Variants in RAD51AP1 observed in about 807,000 individuals in gnomAD.
RAD51AP1 encodes RAD51 associated protein 1.
In RAD51AP1, 14 loss-of-function variants were observed where a neutral mutation model predicts 34.3. The ratio of observed to expected loss-of-function variants is 0.41; its 90% CI spans 0.27 to 0.64. The LOEUF is 0.64. RAD51AP1 is among the 30% of genes least tolerant of loss of function. The pLI is 0.33. For synonymous variants in RAD51AP1, 114 were observed against 129.8 expected, an observed-to-expected ratio of 0.88 and a Z score of 0.83; for missense variants, 348 against 386.9, an observed-to-expected ratio of 0.90 and a Z score of 0.84.
intron 7 of RAD51AP1, 103 bp from the exon 8 acceptor site, chr12:4,556,250 A>T: frequency 1.1e-6 from 1 of 894,912 alleles, no homozygotes; most frequent in Non-Finnish European, 1.7e-6. Flanking sequence ...TAATAAGTTT[A>T]TTTTTTATAT....
In RAD51AP1 at chr12:4,550,043, GAA is replaced by G. The variant is rs764425801; in HGVS notation, c.556+1210_556+1211del. Among the ~76,000 whole-genome samples the G allele has an allele frequency of 1.4e-4, 22 of 152,286 alleles. No individual in the cohort carries two copies. In the Middle Eastern group the frequency reaches 0.01, roughly 71 times the overall value. ...CCATGTGTGACCTTCATTAGGGAAA[GAA>G]AAGAGAAAATTGCAGAGAAGATAAG... On this transcript the variant is annotated intron_variant, in intron 6 of 8. Coordinates refer to ENST00000352618, the MANE Select transcript of RAD51AP1 (RefSeq NM_006479.5).
rs548374641 is a variant in RAD51AP1, at chr12:4,557,980, T to TTTG, written c.872-865_872-863dup. 8.4e-4 allele frequency among the ~76,000 whole-genome samples: 128 copies of TTTG among 152,184 alleles called. 2 individuals carry two copies. The East Asian group carries it at 0.019, about 22-fold the overall frequency. ...TGCTAATTTTTGTAAGTTGATTTTT[T>TTTG]TTGTTGTTGTTGTTAGCACCATGTG... On this transcript the variant is annotated intron_variant, in intron 8 of 8. Transcript: ENST00000352618.
intron 2 of RAD51AP1, among the ~76,000 whole-genome samples, chr12:4,542,149 T>C (rs1944471938): frequency 1.3e-5 from 2 of 152,150 alleles, no homozygotes; most frequent in South Asian, 2.1e-4. Flanking sequence ...AGGTGAAAAG[T>C]CTCTTTAGAT....
chr12:4,559,039 A>G lies in RAD51AP1; in HGVS notation c.*46A>G. 1.3e-6 allele frequency: 2 copies of G among 1,593,698 alleles called. No homozygotes were observed. The highest frequency in any genetic ancestry group is 1.7e-6 in the Non-Finnish European group (2 of 1,164,672). The stretch of plus-strand genomic sequence containing the variant: ...TTGGTTGGGAGAATCACAGCTTTAC[A>G]AGGGTGTTTATATTTGATTTGTGTT... On this transcript the variant is annotated 3_prime_UTR_variant, in exon 9 of 9. Transcript: ENST00000352618.
Position 4,548,100 on chromosome 12 carries a change from A to G in RAD51AP1, c.328A>G (p.Lys110Glu), listed in dbSNP as rs1200393785. 6 of 1,597,804 alleles carry G rather than the reference A, an allele frequency of 3.8e-6. No homozygotes were observed. Among genetic ancestry groups the G allele is most frequent in the Non-Finnish European group, 5.1e-6 (6 of 1,176,000 alleles). Residue 110 changes from lysine to glutamate, a missense_variant, in exon 5 of 9, where the codon AAA (lysine) becomes GAA (glutamate). Coordinates refer to ENST00000352618, the MANE Select transcript of RAD51AP1 (RefSeq NM_006479.5). ...VQNSQDKSIEKHGSSKIETMN... is the reference protein window; with the variant it reads ...VQNSQDKSIEEHGSSKIETMN... ...TTATTCCTTATATTTAGGCATTGAA[A>G]AACATGGCAGTAGTAAAATAGAAAC...
At chr12:4,545,678 A>G in intron 3 of RAD51AP1, 4 of 1,180,544 alleles carry the variant, frequency 3.4e-6, no homozygotes, top group Non-Finnish European at 4.8e-6. Context: ...TTCCTCTTAT[A>G]CTCCATAGCA....
chr12:4,558,772 C>G, intron 8 of RAD51AP1, 85 bp from the exon 9 acceptor site: 1 of 1,492,384 alleles, frequency 6.7e-7, no homozygotes, highest in Admixed American at 1.9e-5. Context: ...GCTTAACTAC[C>G]TTTTTTTTGC....
At chr12:4,552,472 G>A (rs1424508041) in intron 6 of RAD51AP1, among the ~76,000 whole-genome samples, 2 of 152,116 alleles carry the variant, frequency 1.3e-5, no homozygotes. Flanking sequence ...ATTCTCATTT[G>A]GTCTGTTCCA....
At chr12:4,540,210 G>A (rs1944453450) in intron 1 of RAD51AP1, among the ~76,000 whole-genome samples, 2 of 152,158 alleles carry the variant, frequency 1.3e-5, no homozygotes, top group African/African-American at 4.8e-5. Context: ...ACTAGGAAAA[G>A]GAAGGTTAGG....
chr12:4,553,100 C>A lies in RAD51AP1; in HGVS notation c.674C>A (p.Pro225Gln). 1 of 1,596,916 alleles carries A rather than the reference C, an allele frequency of 6.3e-7. No homozygotes were observed. The highest frequency in any genetic ancestry group is 1.1e-5 in the South Asian group (1 of 88,506). ...AAGAAAGAAGTGAAGGTAAAATCCC[C>A]AGTAGAAAAGAAAGAGAAGAAATCT... Reference protein sequence around the residue: ...IKKKEVKVKSPVEKKEKKSKS... With the variant: ...IKKKEVKVKSQVEKKEKKSKS... Residue 225 changes from proline (P) to glutamine (Q), a missense_variant, in exon 7 of 9, where the codon CCA becomes CAA. Pro to Gln is a moderately conservative substitution (Grantham distance 76, BLOSUM62 -1). Transcript: ENST00000352618.
chr12:4,558,758 TA>T, intron 8 of RAD51AP1, 98 bp from the exon 9 acceptor site: 1 of 1,417,466 alleles, frequency 7.1e-7, no homozygotes, highest in Non-Finnish European at 9.6e-7. Flanking sequence ...GAAAGCAGAA[TA>T]ATGCTTAACT....
At chr12:4,540,431 G>A (rs1296845433) in intron 1 of RAD51AP1, among the ~76,000 whole-genome samples, 1 of 151,562 alleles carries the variant, frequency 6.6e-6, no homozygotes, top group African/African-American at 2.4e-5. Context: ...TGCCTTTTTC[G>A]CTGCTTTGTC....
chr12:4,548,698 A>G lies in RAD51AP1; in HGVS notation c.418A>G (p.Ile140Val), dbSNP rs1944524351. 2 of 1,613,190 alleles carry G rather than the reference A, an allele frequency of 1.2e-6. No homozygotes were observed. The highest frequency in any genetic ancestry group is 2.7e-5 in the African/African-American group (2 of 74,876). Residue 140 changes from isoleucine (I) to valine (V), a missense_variant, in exon 6 of 9, where the codon ATT becomes GTT. Coordinates refer to ENST00000352618, the MANE Select transcript of RAD51AP1 (RefSeq NM_006479.5). ...TGCCTCTCCTGAAGATTTGGATAAGATTACTGTGGAAGATGATGTTGGTGG... is the reference window on the plus strand; with the variant it reads ...TGCCTCTCCTGAAGATTTGGATAAGGTTACTGTGGAAGATGATGTTGGTGG... ...VASDYLDLDK[I>V]TVEDDVGGVQ...
chr12:4,558,738 A>T (rs1475543221), intron 8 of RAD51AP1, 119 bp from the exon 9 acceptor site: 53 of 1,189,908 alleles, frequency 4.5e-5, no homozygotes, highest in Non-Finnish European at 6.1e-5. Flanking sequence ...TTATTGCTTG[A>T]TAGACACTGG....
At chr12:4,551,143 CA>C (rs1944543554) in intron 6 of RAD51AP1, among the ~76,000 whole-genome samples, 1 of 151,718 alleles carries the variant, frequency 6.6e-6, no homozygotes, top group African/African-American at 2.4e-5. Context: ...CCCCCACCAC[CA>C]AAAAAAGCGA....
intron 2 of RAD51AP1, 93 bp downstream of exon 2, chr12:4,542,026 G>T: frequency 1.4e-6 from 1 of 706,584 alleles, no homozygotes; most frequent in South Asian, 3.3e-5. Context: ...TGACTAAATT[G>T]CCCAAATGCA....
chr12:4,541,992 A>G (rs565725768), intron 2 of RAD51AP1, 59 bp downstream of exon 2: 9 of 1,125,832 alleles, frequency 8.0e-6, no homozygotes, highest in Non-Finnish European at 1.1e-5. Context: ...CTCGGAATTT[A>G]TATGACATAT....
chr12:4,552,784 G>T (rs1164304940), intron 6 of RAD51AP1, among the ~76,000 whole-genome samples, 199 bp from the exon 7 acceptor site: 1 of 152,132 alleles, frequency 6.6e-6, no homozygotes, highest in African/African-American at 2.4e-5. Context: ...TCTAGGTGAG[G>T]AAACTGAGGC....
intron 4 of RAD51AP1, among the ~76,000 whole-genome samples, chr12:4,547,783 T>A (rs1435442288): frequency 6.6e-6 from 1 of 152,252 alleles, no homozygotes; most frequent in East Asian, 1.9e-4. Flanking sequence ...TTTGGTCTTC[T>A]GTAATACCAC....
Sources: gnomAD v4.1 joint callset for allele counts (sites outside exome capture counted in the v4.1 genomes callset) on GRCh38, gnomAD v4.1.1 for gene constraint, MANE v1.5 for transcripts, NCBI Gene and HGNC (gene_info 2026-07-23, HGNC 2026-07-21) for gene names.